The following MAPRE2 variants were observed in gnomAD, a reference collection of about 807,000 sequenced individuals.
MAPRE2 encodes microtubule-associated protein RP/EB family member 2.
In MAPRE2, 13 loss-of-function variants were observed where a neutral mutation model predicts 43.2. The ratio of observed to expected loss-of-function variants is 0.30; its 90% CI spans 0.20 to 0.48. MAPRE2 has a LOEUF of 0.48. MAPRE2 is among the 20% of genes least tolerant of loss of function. MAPRE2 has a pLI of 0.99. For synonymous variants in MAPRE2, 135 were observed against 148.8 expected (o/e 0.91, Z 0.68); for missense variants, 161 against 400.2 (o/e 0.40, Z 5.10).
chr18:35,056,515 G>C (rs533134061), intron 1 of MAPRE2, among the ~76,000 whole-genome samples: 2 of 152,078 alleles, frequency 1.3e-5, no homozygotes, highest in South Asian at 2.1e-4. Context: ...CTAACCCTAG[G>C]AACCTAGAAA....
At chr18:35,047,078 C>G (rs186612742) in intron 1 of MAPRE2, among the ~76,000 whole-genome samples, 2 of 152,302 alleles carry the variant, frequency 1.3e-5, no homozygotes, top group Admixed American at 6.5e-5. Flanking sequence ...GGGGCCAATT[C>G]CTCTGACAGT....
In MAPRE2 at chr18:35,142,808, G is replaced by T. The variant is rs1433932588; in HGVS notation, c.*2439G>T. 1 of 152,112 alleles carries T rather than the reference G, an allele frequency of 6.6e-6. No homozygotes were observed. 9.4% of individuals were successfully genotyped at this position (152,112 alleles called of 1,614,324 possible). Reference sequence around the variant, plus strand: ...GATCCCCCCTCATTTCCCATGGATGGTGGGACCCCATTATTCTCTCATCTC... The same window carrying T: ...GATCCCCCCTCATTTCCCATGGATGTTGGGACCCCATTATTCTCTCATCTC... On this transcript the variant is annotated 3_prime_UTR_variant, in exon 7 of 7. Coordinates refer to ENST00000300249, the MANE Select transcript of MAPRE2 (RefSeq NM_014268.4).
chr18:35,059,030 C>T (rs745353461), intron 1 of MAPRE2, among the ~76,000 whole-genome samples: 2 of 149,956 alleles, frequency 1.3e-5, no homozygotes, highest in African/African-American at 2.5e-5. Flanking sequence ...GATCACATGG[C>T]ATTGTTGCAA....
chr18:35,063,999 TTAAAAAAAAAAAAAA>T (rs1468936617), intron 1 of MAPRE2, among the ~76,000 whole-genome samples: 24 of 60,734 alleles, frequency 4.0e-4, no homozygotes, highest in Middle Eastern at 0.01. Flanking sequence ...CCCTGTCTCT[TTAAAAAAAAAAAAAA>T]AAAAAAAAAA....
chr18:35,106,286 A>G (rs1908900515), intron 4 of MAPRE2, among the ~76,000 whole-genome samples: 1 of 152,004 alleles, frequency 6.6e-6, no homozygotes, highest in African/African-American at 2.4e-5. Flanking sequence ...TGAGTTTGGA[A>G]TACTTGATTT....
At chr18:34,978,430 A>G (rs2097014359) in intron 1 of MAPRE2, 1 of 1,225,264 alleles carries the variant, frequency 8.2e-7, no homozygotes, top group Admixed American at 2.0e-5. Flanking sequence ...TGAAGTGTGC[A>G]GACCGGTTGC....
At position 34,999,345 on chromosome 18, in the gene MAPRE2, TGAAAG is replaced by T. The variant is rs556058405; in HGVS notation, c.-69-6146_-69-6142del. The stretch of plus-strand genomic sequence containing the variant: ...TGTAGTTTTGTCTCATGTAATTTTT[TGAAAG>T]AATTTTACTTTTGTACATTGAGCAC... On this transcript the variant is annotated intron_variant, in intron 1 of 7. Transcript: ENST00000413393. Among the ~76,000 whole-genome samples, 10 of 152,354 alleles carry T rather than the reference TGAAAG, an allele frequency of 6.6e-5. No homozygotes were observed. The South Asian group carries it at 1.9e-3, about 28-fold the overall frequency.
intron 1 of MAPRE2, among the ~76,000 whole-genome samples, chr18:35,046,607 G>C (rs1905633458): frequency 6.6e-6 from 1 of 152,214 alleles, no homozygotes; most frequent in Non-Finnish European, 1.5e-5. Context: ...ACTGAAGATA[G>C]TGTAATGAAA....
intron 2 of MAPRE2, chr18:35,070,594 T>A (rs1164825325): frequency 4.4e-6 from 1 of 225,192 alleles, no homozygotes; most frequent in Non-Finnish European, 8.7e-6. Context: ...TCCTAGCCTC[T>A]TCTCTGTCAT....
chr18:35,029,292 C>A (rs1603391596), intron 2 of MAPRE2, among the ~76,000 whole-genome samples: 1 of 152,294 alleles, frequency 6.6e-6, no homozygotes, highest in East Asian at 1.9e-4. Flanking sequence ...ACTCACACTG[C>A]TTTCCAGCTG....
intron 6 of MAPRE2, among the ~76,000 whole-genome samples, chr18:35,136,661 T>G (rs1427485755): frequency 1.3e-5 from 2 of 152,210 alleles, no homozygotes; most frequent in Non-Finnish European, 2.9e-5. Context: ...CAGCCACAGC[T>G]GGCAAGGTGG....
At chr18:35,081,431 T>C (rs1907625304) in intron 2 of MAPRE2, among the ~76,000 whole-genome samples, 1 of 152,218 alleles carries the variant, frequency 6.6e-6, no homozygotes, top group Non-Finnish European at 1.5e-5. Context: ...TGTTATGTGG[T>C]GCCTGAATGT....
In MAPRE2 at chr18:35,115,538, C is replaced by T. The variant is rs1386637843; in HGVS notation, c.611-11410C>T. 2.0e-5 allele frequency among the ~76,000 whole-genome samples: 3 copies of T among 152,106 alleles called. No individual in the cohort carries two copies. In the South Asian group the frequency reaches 6.2e-4, roughly 32 times the overall value. ...CTCAGCCCCCAACCTTCCCCACCCC[C>T]GAATCCCCAAAGTCTGTCATATCAC... On this transcript the variant is annotated intron_variant, in intron 4 of 6. Coordinates refer to ENST00000300249, the MANE Select transcript of MAPRE2 (RefSeq NM_014268.4).
At chr18:35,041,341 C>T (rs1024608236), upstream of MAPRE2, 14 of 1,435,342 alleles carry the variant, frequency 9.8e-6, no homozygotes, top group Non-Finnish European at 1.3e-5. Flanking sequence ...GACCAGGGTG[C>T]TGCTGCCGGC....
intron 2 of MAPRE2, among the ~76,000 whole-genome samples, chr18:35,085,580 T>C (rs1369465018): frequency 6.6e-6 from 1 of 152,158 alleles, no homozygotes; most frequent in Non-Finnish European, 1.5e-5. Flanking sequence ...AGCAGTGTTA[T>C]TAGTAAGTCT....
intron 3 of MAPRE2, among the ~76,000 whole-genome samples, chr18:35,100,104 C>A (rs1199329264): frequency 6.6e-6 from 1 of 152,102 alleles, no homozygotes; most frequent in Non-Finnish European, 1.5e-5. Context: ...CTTACACACT[C>A]ACACACATTC....
At chr18:35,008,901 A>G (rs1441039395) in intron 2 of MAPRE2, among the ~76,000 whole-genome samples, 1 of 152,086 alleles carries the variant, frequency 6.6e-6, no homozygotes, top group African/African-American at 2.4e-5. Flanking sequence ...ATTCAATAGT[A>G]TTTACTGAAT....
intron 6 of MAPRE2, among the ~76,000 whole-genome samples, chr18:35,134,727 C>T (rs996054410): frequency 1.3e-5 from 2 of 152,224 alleles, no homozygotes; most frequent in African/African-American, 4.8e-5. Context: ...AATAACTCCC[C>T]TTACCTCGTT....
intron 4 of MAPRE2, among the ~76,000 whole-genome samples, chr18:35,120,852 A>G (rs1909634835): frequency 6.6e-6 from 1 of 152,324 alleles, no homozygotes; most frequent in African/African-American, 2.4e-5. Flanking sequence ...ATCTTCTGCC[A>G]TAGTTGTTCA....
Sources: gnomAD v4.1 joint callset for allele counts (sites outside exome capture counted in the v4.1 genomes callset) on GRCh38, gnomAD v4.1.1 for gene constraint, MANE v1.5 for transcripts, NCBI Gene and HGNC (gene_info 2026-07-23, HGNC 2026-07-21) for gene names.